The following APOE variants were observed in gnomAD, a reference collection of about 807,000 sequenced individuals.
APOE encodes the protein apolipoprotein E3.
APOE carries 10 observed loss-of-function variants against 13.1 expected under a neutral mutation model. The observed-to-expected ratio is 0.76, with a 90% CI of 0.47 to 1.29. APOE has a LOEUF of 1.29. Among genes scored for constraint, APOE ranks in the 50% most tolerant of loss-of-function variants. The pLI is 0.00. For synonymous variants in APOE, 211 were observed against 207.1 expected (o/e 1.02, Z -0.16); for missense variants, 471 against 459.6 (o/e 1.02, Z -0.23).
Position 44,909,109 on chromosome 19 carries a change from G to A in APOE, c.813G>A (p.Gln271=). ...AGCAGGCCCAGCAGATACGCCTGCA[G>A]GCCGAGGCCTTCCAGGCCCGCCTCA... ...LEEQAQQIRL[Q]AEAFQARLKS... The change falls in exon 4 of 4, where the codon CAG becomes CAA. Residue 271 remains glutamine (Q), a synonymous_variant. Coordinates refer to ENST00000252486, the MANE Select transcript of APOE (RefSeq NM_000041.4). 6.3e-7 allele frequency: 1 copy of A among 1,590,576 alleles called. No individual in the cohort carries two copies. The highest frequency in any genetic ancestry group is 8.5e-7 in the Non-Finnish European group (1 of 1,173,720).
Position 44,908,947 on chromosome 19 carries a change from C to A in APOE, c.651C>A (p.Ala217=), listed in dbSNP as rs72654468. ...GGGCCGCCACTGTGGGCTCCCTGGC[C>A]GGCCAGCCGCTACAGGAGCGGGCCC... is the stretch of plus-strand genomic sequence containing the variant. ...RVRAATVGSL[A]GQPLQERAQA... The change falls in exon 4 of 4, where the codon GCC becomes GCA. Residue 217 remains alanine (A), a synonymous_variant. Transcript: ENST00000252486. 1 of 1,513,116 alleles carries A rather than the reference C, an allele frequency of 6.6e-7. No individual in the cohort carries two copies. The highest frequency in any genetic ancestry group is 8.8e-7 in the Non-Finnish European group (1 of 1,136,620). 93.7% of individuals were successfully genotyped at this position (1,513,116 alleles called of 1,614,324 possible).
chr19:44,908,267 C>T (rs964158932), intron 3 of APOE, among the ~76,000 whole-genome samples: 1 of 152,190 alleles, frequency 6.6e-6, no homozygotes, highest in African/African-American at 2.4e-5. Context: ...AACTTCTGGG[C>T]TCAAGCGATC....
intron 3 of APOE, among the ~76,000 whole-genome samples, 192 bp downstream of exon 3, chr19:44,908,144 T>A (rs551867359): frequency 6.6e-6 from 1 of 152,204 alleles, no homozygotes; most frequent in Non-Finnish European, 1.5e-5. Flanking sequence ...CTCTCTCTCT[T>A]CCCTTCTGAC....
rs387906568 is a variant in APOE at position 44,909,020 on chromosome 19, C to G, written c.724C>G (p.Arg242Gly). The G allele has an allele frequency of 6.5e-7, 1 of 1,539,050 alleles. No individual in the cohort carries two copies. Among genetic ancestry groups the G allele is most frequent in the Non-Finnish European group, 8.7e-7 (1 of 1,147,868 alleles). The change falls in exon 4 of 4, where the codon CGG becomes GGG. Residue 242 changes from arginine (R) to glycine (G), a missense_variant. Transcript: ENST00000252486. ...CGCGCGGATGGAGGAGATGGGCAGC[C>G]GGACCCGCGACCGCCTGGACGAGGT... Reference protein sequence around the residue: ...LRARMEEMGSRTRDRLDEVKE... With the variant: ...LRARMEEMGSGTRDRLDEVKE...
rs72654468 is a variant in APOE at position 44,908,947 on chromosome 19, C to T, written c.651C>T (p.Ala217=). The change falls in exon 4 of 4, where the codon GCC becomes GCT. Residue 217 remains alanine (A), a synonymous_variant. Coordinates refer to ENST00000252486, the MANE Select transcript of APOE (RefSeq NM_000041.4). ...GGGCCGCCACTGTGGGCTCCCTGGCCGGCCAGCCGCTACAGGAGCGGGCCC... is the reference window on the plus strand; with the variant it reads ...GGGCCGCCACTGTGGGCTCCCTGGCTGGCCAGCCGCTACAGGAGCGGGCCC... ...RVRAATVGSL[A]GQPLQERAQA... 9.9e-4 allele frequency: 1,499 copies of T among 1,513,222 alleles called. 6 individuals carry two copies. The highest frequency in any genetic ancestry group is 2.9e-3 in the South Asian group (234 of 81,640). 93.7% of individuals were successfully genotyped at this position (1,513,222 alleles called of 1,614,324 possible).
At chr19:44,908,141 T>C (rs1027699425) in intron 3 of APOE, among the ~76,000 whole-genome samples, 189 bp downstream of exon 3, 8 of 152,152 alleles carry the variant, frequency 5.3e-5, no homozygotes, top group African/African-American at 1.9e-4. Flanking sequence ...TGTCTCTCTC[T>C]CTTCCCTTCT....
rs1279797919 is a variant in APOE, at chr19:44,908,926, C to T, written c.630C>T (p.Ala210=). Residue 210 remains alanine (A), a synonymous_variant, in exon 4 of 4, where the codon GCC becomes GCT. Transcript: ENST00000252486. ...GPLVEQGRVR[A]ATVGSLAGQP... ...TGGTGGAACAGGGCCGCGTGCGGGCCGCCACTGTGGGCTCCCTGGCCGGCC... is the reference window on the plus strand; with the variant it reads ...TGGTGGAACAGGGCCGCGTGCGGGCTGCCACTGTGGGCTCCCTGGCCGGCC... The T allele has an allele frequency of 1.3e-5, 19 of 1,483,650 alleles. No individual in the cohort carries two copies. Among genetic ancestry groups the T allele is most frequent in the Non-Finnish European group, 1.6e-5 (18 of 1,124,960 alleles). 91.9% of individuals were successfully genotyped at this position (1,483,650 alleles called of 1,614,324 possible).
At chr19:44,906,489 C>G (rs1969809220) in intron 1 of APOE, 113 bp from the exon 2 acceptor site, 4 of 1,079,612 alleles carry the variant, frequency 3.7e-6, no homozygotes, top group Non-Finnish European at 1.4e-6. Context: ...TAGGCTGTTG[C>G]AGATAATGCA....
rs1969844066 is a variant in APOE, at chr19:44,908,046, G to A, written c.236+94G>A. On this transcript the variant is annotated intron_variant, in intron 3 of 3. Transcript: ENST00000252486. Reference sequence around the variant, plus strand: ...TTCTGCCCCTGTCGCTAAGTCTTGGGGGGCCTGGGTCTCTGCTGGTTCTAG... The same window carrying A: ...TTCTGCCCCTGTCGCTAAGTCTTGGAGGGCCTGGGTCTCTGCTGGTTCTAG... The A allele has an allele frequency of 2.4e-6, 3 of 1,252,650 alleles. No homozygotes were observed. In the East Asian group the frequency reaches 7.6e-5, roughly 32 times the overall value. 77.6% of individuals were successfully genotyped at this position (1,252,650 alleles called of 1,614,324 possible). A position where few individuals can be genotyped will look rare whatever the true frequency, so the allele number is the denominator to read the frequency against.
rs937063425 is a variant in APOE, at chr19:44,908,667, C to T, written c.371C>T (p.Ala124Val). The T allele has an allele frequency of 7.0e-6, 11 of 1,581,638 alleles. No individual in the cohort carries two copies. The highest frequency in any genetic ancestry group is 1.3e-5 in the African/African-American group (1 of 74,184). The change falls in exon 4 of 4, where the codon GCG becomes GTG. Residue 124 changes from alanine (A) to valine (V), a missense_variant. Physicochemically the swap from Ala to Val is moderately conservative, Grantham distance 64. Transcript: ENST00000252486. ...CAGGCGGCGCAGGCCCGGCTGGGCGCGGACATGGAGGACGTGTGCGGCCGC... is the reference window on the plus strand; with the variant it reads ...CAGGCGGCGCAGGCCCGGCTGGGCGTGGACATGGAGGACGTGTGCGGCCGC... Reference protein sequence around the residue: ...ELQAAQARLGADMEDVCGRLV... With the variant: ...ELQAAQARLGVDMEDVCGRLV...
chr19:44,907,583 C>T lies in APOE; in HGVS notation c.44-177C>T. The stretch of plus-strand genomic sequence containing the variant: ...CTGCACTCCAGCCTGGGTGACAGAG[C>T]AAGACCCTGTTTATAAATACATAAT... On this transcript the variant is annotated intron_variant, in intron 2 of 3. Transcript: ENST00000252486. This position sits in a 1 kb window ranked among gnomAD's most constrained non-coding sequence, Gnocchi z 4.1. 6.6e-6 allele frequency among the ~76,000 whole-genome samples: 1 copy of T among 152,160 alleles called. No homozygotes were observed. Among genetic ancestry groups the T allele is most frequent in the East Asian group, 1.9e-4 (1 of 5,176 alleles).
rs753601274 is a variant in APOE, at chr19:44,908,758, C to T, written c.462C>T (p.Arg154=). Residue 154 remains arginine, a synonymous_variant, in exon 4 of 4, where the codon CGC becomes CGT. Transcript: ENST00000252486. ...AGAGCACCGAGGAGCTGCGGGTGCG[C>T]CTCGCCTCCCACCTGCGCAAGCTGC... is the stretch of plus-strand genomic sequence containing the variant. ...LGQSTEELRV[R]LASHLRKLRK... 6.4e-6 allele frequency: 10 copies of T among 1,559,812 alleles called. No individual in the cohort carries two copies. The highest frequency in any genetic ancestry group is 1.4e-5 in the African/African-American group (1 of 73,710).
chr19:44,905,959 G>A (rs1377837507), intron 1 of APOE, 118 bp downstream of exon 1: 17 of 1,282,158 alleles, frequency 1.3e-5, no homozygotes, highest in Admixed American at 2.6e-5. Flanking sequence ...TCGGGCTTGG[G>A]GAGAGGAGGA....
rs1039633588 is a variant in APOE at position 44,908,961 on chromosome 19, A to G, written c.665A>G (p.Gln222Arg). 1.3e-6 allele frequency: 2 copies of G among 1,527,576 alleles called. No individual in the cohort carries two copies. The highest frequency in any genetic ancestry group is 1.8e-6 in the Non-Finnish European group (2 of 1,142,838). 94.6% of individuals were successfully genotyped at this position (1,527,576 alleles called of 1,614,324 possible). A position where few individuals can be genotyped will look rare whatever the true frequency, so the allele number is the denominator to read the frequency against. ...GGCTCCCTGGCCGGCCAGCCGCTACAGGAGCGGGCCCAGGCCTGGGGCGAG... is the reference window on the plus strand; with the variant it reads ...GGCTCCCTGGCCGGCCAGCCGCTACGGGAGCGGGCCCAGGCCTGGGGCGAG... ...TVGSLAGQPL[Q>R]ERAQAWGERL... is the part of the protein sequence containing the mutation. Residue 222 changes from glutamine to arginine, a missense_variant, in exon 4 of 4, where the codon CAG becomes CGG. By Grantham distance (43) the Gln-to-Arg change is conservative. Transcript: ENST00000252486.
chr19:44,908,545 C>T lies in APOE; in HGVS notation c.249C>T (p.Asp83=), dbSNP rs767980905. ...QVTQELRALM[D]ETMKELKAYK... ...CTCTCGGCCGCAGGGCGCTGATGGA[C>T]GAGACCATGAAGGAGTTGAAGGCCT... Residue 83 remains aspartate (D), a synonymous_variant, in exon 4 of 4, where the codon GAC becomes GAT. Transcript: ENST00000252486. The T allele has an allele frequency of 3.8e-5, 62 of 1,613,546 alleles. No homozygotes were observed. The highest frequency in any genetic ancestry group is 1.6e-4 in the Middle Eastern group (1 of 6,078).
rs115299243 is a variant in APOE at position 44,907,291 on chromosome 19, A to G, written c.44-469A>G. 1,117 of 255,370 alleles carry G rather than the reference A, an allele frequency of 4.4e-3. 16 individuals carry two copies. Among genetic ancestry groups the G allele is most frequent in the African/African-American group, 0.022 (976 of 45,356 alleles). 15.8% of individuals were successfully genotyped at this position (255,370 alleles called of 1,614,324 possible). ...CCACACAGCCCTGCCTGGGGCACAC[A>G]AGGACACTCAATACATGCTTTTCCG... On this transcript the variant is annotated intron_variant, in intron 2 of 3. Coordinates refer to ENST00000252486, the MANE Select transcript of APOE (RefSeq NM_000041.4). This position sits in a 1 kb window ranked among gnomAD's most constrained non-coding sequence, Gnocchi z 4.1.
chr19:44,906,313 A>C (rs1372045374), intron 1 of APOE: 1 of 483,772 alleles, frequency 2.1e-6, no homozygotes, highest in Non-Finnish European at 3.6e-6. Context: ...ACTGGGACTG[A>C]GATGGAACCG....
intron 1 of APOE, chr19:44,906,071 G>A: frequency 2.3e-6 from 1 of 434,496 alleles, no homozygotes; most frequent in Non-Finnish European, 3.9e-6. Flanking sequence ...AGCTGGACTG[G>A]GATGTAAGCC....
At position 44,906,623 on chromosome 19, in the gene APOE, A is replaced by C; in HGVS notation, c.-2A>C. Reference sequence around the variant, plus strand: ...CCAGACTGGCCAATCACAGGCAGGAAGATGAAGGTTCTGTGGGCTGCGTTG... The same window carrying C: ...CCAGACTGGCCAATCACAGGCAGGACGATGAAGGTTCTGTGGGCTGCGTTG... On this transcript the variant is annotated 5_prime_UTR_variant, in exon 2 of 4. Coordinates refer to ENST00000252486, the MANE Select transcript of APOE (RefSeq NM_000041.4). The C allele has an allele frequency of 6.2e-7, 1 of 1,614,094 alleles. No individual in the cohort carries two copies. The highest frequency in any genetic ancestry group is 8.5e-7 in the Non-Finnish European group (1 of 1,180,022).
Sources: gnomAD v4.1 joint callset for allele counts (sites outside exome capture counted in the v4.1 genomes callset) on GRCh38, gnomAD v4.1.1 for gene constraint, Gnocchi (gnomAD v3.1) non-coding constraint, MANE v1.5 for transcripts, NCBI Gene and HGNC (gene_info 2026-07-23, HGNC 2026-07-21) for gene names.